EDN1: variants seen among roughly 807,000 people sequenced by gnomAD.
The protein encoded by EDN1 is endothelin-1.
In EDN1, 11 loss-of-function variants were observed where a neutral mutation model predicts 21.7. That is an observed-to-expected ratio of 0.51 (90% CI 0.32 to 0.84). EDN1 has a LOEUF of 0.84. Among genes scored for constraint, EDN1 ranks in the 40% least tolerant of loss-of-function variants. The pLI is 0.03. For synonymous variants in EDN1, 85 were observed against 90.6 expected, an observed-to-expected ratio of 0.94 and a Z score of 0.35; for missense variants, 244 against 262.3, an observed-to-expected ratio of 0.93 and a Z score of 0.48.
the EDN1 span, among the ~76,000 whole-genome samples, chr6:12,233,963 G>C: frequency 1.3e-3 from 191 of 152,188 alleles, no homozygotes; most frequent in Non-Finnish European, 2.1e-3. Context: ...CCAAATAAAG[G>C]CTTCAGCTTT....
chr6:12,282,952 A>G, the EDN1 span, among the ~76,000 whole-genome samples: 1 of 152,166 alleles, frequency 6.6e-6, no homozygotes. Flanking sequence ...TATTAACACA[A>G]TGTATGCAGG....
At chr6:12,259,807 C>T in the EDN1 span, among the ~76,000 whole-genome samples, 1 of 151,876 alleles carries the variant, frequency 6.6e-6, no homozygotes, top group Non-Finnish European at 1.5e-5. Context: ...TAGGGAGAAA[C>T]AATCAAGAAC....
chr6:12,290,733 G>T, intron 1 of EDN1, 40 bp downstream of exon 1: 6 of 1,551,806 alleles, frequency 3.9e-6, no homozygotes, highest in Non-Finnish European at 5.3e-6. Context: ...GGAATTACAA[G>T]TTAGTGTGTT....
At chr6:12,263,429 C>T in the EDN1 span, among the ~76,000 whole-genome samples, 3 of 152,166 alleles carry the variant, frequency 2.0e-5, no homozygotes, top group African/African-American at 7.2e-5. Context: ...TAAAAATTCA[C>T]CCAAGATCTG....
At chr6:12,247,607 C>G in the EDN1 span, among the ~76,000 whole-genome samples, 1 of 136,840 alleles carries the variant, frequency 7.3e-6, no homozygotes, top group East Asian at 2.2e-4. Context: ...GGCGTGATCT[C>G]AGCTCACTGC....
chr6:12,283,605 A>C, the EDN1 span, among the ~76,000 whole-genome samples: 2 of 152,230 alleles, frequency 1.3e-5, no homozygotes, highest in Non-Finnish European at 2.9e-5. Context: ...GAACTGTGGC[A>C]AATTTTAGCA....
intron 4 of EDN1, among the ~76,000 whole-genome samples, chr6:12,294,793 A>G (rs1449179186): frequency 6.6e-6 from 1 of 152,202 alleles, no homozygotes; most frequent in African/African-American, 2.4e-5. Context: ...ATTTAGAAAA[A>G]GAATCAAAGT....
chr6:12,269,952 G>T, the EDN1 span, among the ~76,000 whole-genome samples: 1 of 151,968 alleles, frequency 6.6e-6, no homozygotes, highest in Non-Finnish European at 1.5e-5. Flanking sequence ...TTTCTTTGAT[G>T]GGAGATGTTT....
At chr6:12,266,072 T>C in the EDN1 span, among the ~76,000 whole-genome samples, 4 of 151,984 alleles carry the variant, frequency 2.6e-5, no homozygotes, top group African/African-American at 9.7e-5. Context: ...GATAAGCCAG[T>C]GTGGGGGAAG....
the EDN1 span, among the ~76,000 whole-genome samples, chr6:12,274,939 CTCCTTCCT>C: frequency 0.033 from 4,446 of 135,184 alleles, 271 homozygotes; most frequent in African/African-American, 0.12. Context: ...TTTCTTCCTT[CTCCTTCCT>C]TCCTTCCTTC....
At chr6:12,265,370 A>T in the EDN1 span, among the ~76,000 whole-genome samples, 1 of 152,218 alleles carries the variant, frequency 6.6e-6, no homozygotes, top group East Asian at 1.9e-4. Flanking sequence ...ATGCCACTAC[A>T]TTTGAGATAG....
chr6:12,246,651 C>T, the EDN1 span, among the ~76,000 whole-genome samples: 2 of 149,510 alleles, frequency 1.3e-5, 1 homozygote, highest in Admixed American at 1.3e-4. Context: ...AATCGTTTGC[C>T]TTTTTTTTTC....
At chr6:12,256,006 G>A in the EDN1 span, among the ~76,000 whole-genome samples, 1 of 152,130 alleles carries the variant, frequency 6.6e-6, no homozygotes, top group Non-Finnish European at 1.5e-5. Flanking sequence ...AGGTGCTTAG[G>A]AACCACTGTA....
In EDN1 at chr6:12,290,707, T is replaced by C. The variant is rs1762654731; in HGVS notation, c.64+14T>C. The C allele has an allele frequency of 6.2e-7, 1 of 1,611,130 alleles. No individual in the cohort carries two copies. Among genetic ancestry groups the C allele is most frequent in the Non-Finnish European group, 8.5e-7 (1 of 1,177,206 alleles). On this transcript the variant is annotated intron_variant, in intron 1 of 4. Transcript: ENST00000379375. The stretch of plus-strand genomic sequence containing the variant: ...CTCCAGAAACAGGTAGGCACGCTCG[T>C]TGACTTGTAAGTCTCGGAATTACAA...
the EDN1 span, among the ~76,000 whole-genome samples, chr6:12,240,818 A>T: frequency 6.6e-6 from 1 of 152,190 alleles, no homozygotes; most frequent in Non-Finnish European, 1.5e-5. Context: ...AGTGGTGTAC[A>T]ACTCCCAGGA....
intron 4 of EDN1, among the ~76,000 whole-genome samples, chr6:12,294,980 CA>C (rs1320207712): frequency 7.3e-6 from 1 of 136,164 alleles, no homozygotes; most frequent in African/African-American, 2.7e-5. Flanking sequence ...AATGTCATTC[CA>C]AAAAGCTCTC....
At chr6:12,281,733 GAT>G in the EDN1 span, among the ~76,000 whole-genome samples, 1 of 152,160 alleles carries the variant, frequency 6.6e-6, no homozygotes, top group Non-Finnish European at 1.5e-5. Flanking sequence ...CTATTTTTCT[GAT>G]ATGTTATATT....
the EDN1 span, among the ~76,000 whole-genome samples, chr6:12,242,045 G>A: frequency 6.6e-6 from 1 of 152,170 alleles, no homozygotes; most frequent in Admixed American, 6.5e-5. Flanking sequence ...GAATGAGGAA[G>A]GAAGAGATTC....
the EDN1 span, among the ~76,000 whole-genome samples, chr6:12,276,470 T>A: frequency 6.6e-6 from 1 of 152,324 alleles, no homozygotes; most frequent in East Asian, 1.9e-4. Flanking sequence ...CGCCAAGGAA[T>A]TTACAATCTG....
Sources: allele counts gnomAD v4.1 joint callset (sites outside exome capture counted in the v4.1 genomes callset), GRCh38; gene constraint gnomAD v4.1.1; transcripts MANE v1.5; gene names NCBI Gene and HGNC (gene_info 2026-07-23, HGNC 2026-07-21).